SHOX: variants seen among roughly 807,000 people sequenced by gnomAD.
The protein encoded by SHOX is short stature homeobox protein.
Under a neutral mutation model 29.6 loss-of-function variants are expected in SHOX, and 12 were observed. The ratio of observed to expected loss-of-function variants is 0.41; its 90% CI spans 0.26 to 0.66. The LOEUF (loss-of-function observed/expected upper bound fraction) is 0.66. Ranked by LOEUF, SHOX falls within the 30% of genes least tolerant of loss-of-function variation. SHOX has a pLI of 0.35. For synonymous variants in SHOX, 214 were observed against 200.6 expected (o/e 1.07, Z -0.57); for missense variants, 499 against 437.7 (o/e 1.14, Z -1.25).
upstream of SHOX, among the ~76,000 whole-genome samples, chrX:628,084 C>G (rs1380609444): frequency 2.0e-5 from 3 of 152,018 alleles, no homozygotes; most frequent in African/African-American, 7.2e-5. Context: ...TTCTCTTCCC[C>G]CTCCCTGTCT....
chrX:635,472 C>G lies in SHOX; in HGVS notation c.486+646C>G, dbSNP rs754865318. Reference sequence around the variant, plus strand: ...TTCACCTACCGTTTCTATCTCCCTCCTCCCCTCTCCAGCCCTGTCCTCTGC... The same window carrying G: ...TTCACCTACCGTTTCTATCTCCCTCGTCCCCTCTCCAGCCCTGTCCTCTGC... On this transcript the variant is annotated intron_variant, in intron 2 of 4. Transcript: ENST00000686671. Among the ~76,000 whole-genome samples the G allele has an allele frequency of 3.3e-4, 50 of 152,274 alleles. No homozygotes were observed. The South Asian group carries it at 7.5e-3, about 23-fold the overall frequency.
At chrX:657,611 G>A (rs28626659) in intron 5 of SHOX, among the ~76,000 whole-genome samples, 38,107 of 152,046 alleles carry the variant, frequency 0.25, 5,363 homozygotes, top group East Asian at 0.44. Flanking sequence ...AAAAGCACAG[G>A]TTTGTTTCCT....
At chrX:636,971 T>TATATATATATATATATA (rs1243797446) in intron 2 of SHOX, among the ~76,000 whole-genome samples, 1 of 129,284 alleles carries the variant, frequency 7.7e-6, no homozygotes, top group African/African-American at 3.4e-5. Context: ...TATATATATA[T>TATATATATATATATATA]TTTGGCTCCT....
intron 1 of SHOX, among the ~76,000 whole-genome samples, chrX:625,108 T>TCCCTCCC (rs2052497319): frequency 7.7e-6 from 1 of 129,240 alleles, no homozygotes; most frequent in African/African-American, 2.8e-5. Context: ...CCTTTCTTTC[T>TCCCTCCC]TCTTTCTTTC....
At chrX:651,986 G>A (rs1378720992), downstream of SHOX, among the ~76,000 whole-genome samples, 3 of 151,910 alleles carry the variant, frequency 2.0e-5, no homozygotes, top group African/African-American at 2.4e-5. Context: ...GCAGGGGCGC[G>A]ATCTCGGCTC....
intron 4 of SHOX, 160 bp from the exon 5 acceptor site, chrX:644,231 G>A (rs1252275437): frequency 2.2e-4 from 130 of 604,560 alleles, no homozygotes; most frequent in Middle Eastern, 7.9e-4. Flanking sequence ...TGGGCCAGGG[G>A]GAAGGAGGAA....
Position 650,145 on chromosome X carries a change from C to G in SHOX, c.*5509C>G, listed in dbSNP as rs1391764933. 6.6e-6 allele frequency among the ~76,000 whole-genome samples: 1 copy of G among 152,188 alleles called. No homozygotes were observed. The highest frequency in any genetic ancestry group is 1.9e-4 in the East Asian group (1 of 5,184). ...GGCCCCTTGGCTGTGGCTGTCTTCTCCAGCGCCGTGGATAAAGAGATGGGA... is the reference window on the plus strand; with the variant it reads ...GGCCCCTTGGCTGTGGCTGTCTTCTGCAGCGCCGTGGATAAAGAGATGGGA... On this transcript the variant is annotated 3_prime_UTR_variant, in exon 5 of 5. Transcript: ENST00000686671.
upstream of SHOX, among the ~76,000 whole-genome samples, chrX:626,840 G>A (rs1188496644): frequency 8.7e-6 from 1 of 115,582 alleles, no homozygotes; most frequent in Non-Finnish European, 1.8e-5. Context: ...CTCTTTTTCT[G>A]TCTCTGTCTC....
At chrX:624,883 TTTC>T (rs2052482975) in intron 1 of SHOX, among the ~76,000 whole-genome samples, 3 of 79,940 alleles carry the variant, frequency 3.8e-5, no homozygotes, top group African/African-American at 1.6e-4. Context: ...TCTTTCTTTC[TTTC>T]TTTCTTTCTT....
At chrX:631,996 C>A in intron 1 of SHOX, 1 of 456,082 alleles carries the variant, frequency 2.2e-6, no homozygotes, top group Non-Finnish European at 4.4e-6. Flanking sequence ...TGGTAGGAGA[C>A]GGGAAGGCCC....
intron 2 of SHOX, among the ~76,000 whole-genome samples, chrX:639,605 T>C (rs2052814141): frequency 6.6e-6 from 1 of 152,214 alleles, no homozygotes; most frequent in Non-Finnish European, 1.5e-5. Context: ...CGCTGGAAAG[T>C]TCGACAGTCC....
chrX:635,614 GC>G (rs1162100200), intron 2 of SHOX, among the ~76,000 whole-genome samples: 1 of 152,346 alleles, frequency 6.6e-6, no homozygotes, highest in East Asian at 1.9e-4. Flanking sequence ...GCGAATTCAC[GC>G]TGCCCCATGA....
Position 644,576 on chromosome X carries a change from T to A in SHOX, c.819T>A (p.Asn273Lys). 1 of 1,515,854 alleles carries A rather than the reference T, an allele frequency of 6.6e-7. No homozygotes were observed. Among genetic ancestry groups the A allele is most frequent in the Non-Finnish European group, 8.8e-7 (1 of 1,138,684 alleles). The allele number at this position is 1,515,854 out of a possible 1,614,324, so 93.9% of individuals were successfully genotyped here. Residue 273 changes from asparagine to lysine, a missense_variant, in exon 5 of 5, where the codon AAT becomes AAA. Coordinates refer to ENST00000686671, the MANE Select transcript of SHOX (RefSeq NM_000451.4). ...VAAAAKSNSK[N>K]SSIADLRLKA... ...CCGCCGCCAAAAGCAACAGCAAGAA[T>A]TCCAGCATCGCCGACCTGCGGCTCA...
upstream of SHOX, among the ~76,000 whole-genome samples, chrX:626,165 T>A (rs1268503669): frequency 3.4e-5 from 4 of 117,644 alleles, no homozygotes; most frequent in African/African-American, 1.4e-4. Context: ...TATCTCTATC[T>A]CTGTCTCTCT....
In SHOX at chrX:641,060, G is replaced by A. The variant is rs1461126707; in HGVS notation, c.606G>A (p.Met202Ile). 2 of 1,613,630 alleles carry A rather than the reference G, an allele frequency of 1.2e-6. No individual in the cohort carries two copies. Among genetic ancestry groups the A allele is most frequent in the Non-Finnish European group, 1.7e-6 (2 of 1,179,828 alleles). The change falls in exon 4 of 5, where the codon ATG (methionine) becomes ATA (isoleucine). Residue 202 changes from methionine (M) to isoleucine (I), a missense_variant. Transcript: ENST00000686671. The part of the protein sequence containing the change: ...DACRVAPYVN[M>I]GALRMPFQQV... ...GCCGAGTGGCACCCTACGTCAACAT[G>A]GGAGCCTTACGGATGCCTTTCCAAC...
At chrX:652,268 A>G (rs1340355651), downstream of SHOX, among the ~76,000 whole-genome samples, 1 of 151,812 alleles carries the variant, frequency 6.6e-6, no homozygotes, top group Admixed American at 6.6e-5. Context: ...TGCAAGGATG[A>G]TTGAGTCATT....
rs1037046328 is a variant in SHOX, at chrX:644,768, G to A, written c.*132G>A. The A allele has an allele frequency of 5.7e-6, 7 of 1,236,570 alleles. No homozygotes were observed. Among genetic ancestry groups the A allele is most frequent in the Middle Eastern group, 2.9e-4 (1 of 3,416 alleles). 76.6% of individuals were successfully genotyped at this position (1,236,570 alleles called of 1,614,324 possible). On this transcript the variant is annotated 3_prime_UTR_variant, in exon 5 of 5. Transcript: ENST00000686671. ...TGCTCCGGGCACCCCGGGAGCTCCT[G>A]CAAGAGGCCTGAGGAGGGAGGCTCC...
In SHOX at chrX:650,193, T is replaced by A. The variant is rs1275907271; in HGVS notation, c.*5557T>A. ...GGACAGATTCTGTGCCTCTGTACGA[T>A]TTAGAGCGTAACTGACCGCGTCCAA... is the stretch of plus-strand genomic sequence containing the variant. On this transcript the variant is annotated 3_prime_UTR_variant, in exon 5 of 5. Coordinates refer to ENST00000686671, the MANE Select transcript of SHOX (RefSeq NM_000451.4). 6.6e-6 allele frequency among the ~76,000 whole-genome samples: 1 copy of A among 152,152 alleles called. No individual in the cohort carries two copies. The highest frequency in any genetic ancestry group is 1.5e-5 in the Non-Finnish European group (1 of 68,032).
At chrX:628,267 C>CTT (rs1314777263), upstream of SHOX, among the ~76,000 whole-genome samples, 2 of 104,158 alleles carry the variant, frequency 1.9e-5, no homozygotes, top group East Asian at 5.2e-4. Context: ...TTCTCTCTCT[C>CTT]CATCTCTCCC....
Sources: allele counts gnomAD v4.1 joint callset (sites outside exome capture counted in the v4.1 genomes callset), GRCh38; gene constraint gnomAD v4.1.1; transcripts MANE v1.5; gene names NCBI Gene and HGNC (gene_info 2026-07-23, HGNC 2026-07-21).